The following ZAP70 variants were observed in gnomAD, a reference collection of about 807,000 sequenced individuals.
ZAP70 encodes the protein zeta chain of T cell receptor associated protein kinase 70, also known as tyrosine-protein kinase ZAP-70.
In ZAP70, 27 loss-of-function variants were observed where a neutral mutation model predicts 65.8. The observed-to-expected ratio is 0.41, with a 90% CI of 0.30 to 0.57. The LOEUF (loss-of-function observed/expected upper bound fraction) is 0.57, where lower values mean the gene tolerates loss of function less well. Ranked by LOEUF, ZAP70 falls within the 20% of genes least tolerant of loss-of-function variation. The probability of loss-of-function intolerance (pLI) is 0.28; values close to 1 mark genes in which losing one functional copy is unlikely to be tolerated. For synonymous variants in ZAP70, 363 were observed against 360.8 expected (o/e 1.01, Z -0.07); for missense variants, 696 against 870.5 (o/e 0.80, Z 2.52).
Position 97,733,207 on chromosome 2 carries a change from C to T in ZAP70, c.785C>T (p.Ala262Val). The change falls in exon 6 of 14, where the codon GCC becomes GTC. Residue 262 changes from alanine (A) to valine (V), a missense_variant. Physicochemically the swap from Ala to Val is moderately conservative, Grantham distance 64 (BLOSUM62 0). This residue lies in a region of ZAP70 where 551 missense variants were observed against 630.0 expected (regional missense o/e 0.87). Coordinates refer to ENST00000264972, the MANE Select transcript of ZAP70 (RefSeq NM_001079.4). The stretch of plus-strand genomic sequence containing the variant: ...TGCCCCAACAGCAGTGCCAGCAACG[C>T]CTCAGGTGACGGCAGCAGGCGGGCG... The part of the protein sequence containing the change: ...EACPNSSASN[A>V]SGAAAPTLPA... 1 of 1,613,404 alleles carries T rather than the reference C, an allele frequency of 6.2e-7. No homozygotes were observed. The highest frequency in any genetic ancestry group is 8.5e-7 in the Non-Finnish European group (1 of 1,179,790).
intron 2 of ZAP70, among the ~76,000 whole-genome samples, chr2:97,716,262 G>C (rs917329621): frequency 6.6e-6 from 1 of 152,186 alleles, no homozygotes; most frequent in Non-Finnish European, 1.5e-5. Context: ...CCAGGTGTCA[G>C]GTTCCACCGG....
rs369459242 is a variant in ZAP70 at position 97,737,702 on chromosome 2, C to G, written c.1482+37C>G. ...CCCCTGTGATGCCCGACTGGATGGG[C>G]TGGGTGGGTAGAGGGTCCCTGACCC... On this transcript the variant is annotated intron_variant, in intron 11 of 13. Coordinates refer to ENST00000264972, the MANE Select transcript of ZAP70 (RefSeq NM_001079.4). The surrounding 1 kb of genome is among the most constrained non-coding windows in gnomAD (Gnocchi z 5.0). 1.1e-5 allele frequency: 18 copies of G among 1,613,918 alleles called. No homozygotes were observed. The highest frequency in any genetic ancestry group is 1.4e-5 in the Non-Finnish European group (17 of 1,179,976).
intron 3 of ZAP70, chr2:97,724,752 GC>G (rs1677311493): frequency 1.2e-5 from 18 of 1,504,870 alleles, no homozygotes; most frequent in Non-Finnish European, 1.5e-5. Flanking sequence ...AGGAGGGTGC[GC>G]GGGGCTAGGG....
chr2:97,733,530 C>T lies in ZAP70; in HGVS notation c.838-14C>T. ...CGTCCCCAGCTCAGGCCTTGCTGAC[C>T]CTGTGGCCTTTAGCCTCAGAGACGA... On this transcript the variant is annotated splice_polypyrimidine_tract_variant and intron_variant, in intron 7 of 13. Transcript: ENST00000264972. 6.2e-7 allele frequency: 1 copy of T among 1,613,630 alleles called. No individual in the cohort carries two copies. The highest frequency in any genetic ancestry group is 1.1e-5 in the South Asian group (1 of 91,086).
rs1185396968 is a variant in ZAP70 at position 97,725,088 on chromosome 2, C to G, written c.403-4C>G. The G allele has an allele frequency of 6.2e-7, 1 of 1,613,926 alleles. No individual in the cohort carries two copies. The highest frequency in any genetic ancestry group is 8.5e-7 in the Non-Finnish European group (1 of 1,180,022). ...TACAGACCTCCTCGCCTCTCCTTTT[C>G]TAGGGCGAGGCCCTGGAGCAGGCCA... On this transcript the variant is annotated splice_polypyrimidine_tract_variant and splice_region_variant and intron_variant, in intron 3 of 13. Coordinates refer to ENST00000264972, the MANE Select transcript of ZAP70 (RefSeq NM_001079.4).
chr2:97,754,451 G>T, the ZAP70 span, among the ~76,000 whole-genome samples: 1 of 151,920 alleles, frequency 6.6e-6, no homozygotes, highest in Non-Finnish European at 1.5e-5. Flanking sequence ...TCTCCAGGCT[G>T]GAGTGCAGTG....
chr2:97,740,106 C>A (rs2104711924), downstream of ZAP70, among the ~76,000 whole-genome samples: 1 of 152,002 alleles, frequency 6.6e-6, no homozygotes, highest in Middle Eastern at 3.4e-3. Context: ...AGCCCAGCTC[C>A]CCTGTGTGGA....
At chr2:97,747,255 C>A in the ZAP70 span, among the ~76,000 whole-genome samples, 1 of 152,180 alleles carries the variant, frequency 6.6e-6, no homozygotes, top group Non-Finnish European at 1.5e-5. Context: ...AAAACTGGTA[C>A]ATGAATGCAT....
intron 2 of ZAP70, among the ~76,000 whole-genome samples, chr2:97,716,722 G>A (rs1452758902): frequency 6.6e-6 from 1 of 152,144 alleles, no homozygotes; most frequent in East Asian, 1.9e-4. Flanking sequence ...AGTGGCGGGG[G>A]GTGGTGATGG....
the ZAP70 span, among the ~76,000 whole-genome samples, chr2:97,747,264 A>G: frequency 1.3e-5 from 2 of 152,262 alleles, no homozygotes; most frequent in Non-Finnish European, 1.5e-5. Flanking sequence ...ACATGAATGC[A>G]TTGTGTATAC....
chr2:97,724,783 G>A (rs1677312419), intron 3 of ZAP70: 2 of 1,506,124 alleles, frequency 1.3e-6, no homozygotes, highest in Admixed American at 2.0e-5. Context: ...AGGGTAGGGT[G>A]GCTGTTGGGG....
the ZAP70 span, among the ~76,000 whole-genome samples, chr2:97,748,438 T>G: frequency 1.3e-5 from 2 of 152,184 alleles, no homozygotes; most frequent in African/African-American, 4.8e-5. Context: ...CTGATTTTCA[T>G]CAGGCGAGGA....
intron 4 of ZAP70, among the ~76,000 whole-genome samples, chr2:97,727,857 A>T (rs2104672849): frequency 6.6e-6 from 1 of 151,630 alleles, no homozygotes; most frequent in African/African-American, 2.4e-5. Context: ...TCTTGCACTC[A>T]CACACACACA....
chr2:97,733,665 T>A, intron 8 of ZAP70, 70 bp downstream of exon 8: 1 of 1,602,350 alleles, frequency 6.2e-7, no homozygotes, highest in Non-Finnish European at 8.5e-7. Flanking sequence ...CTGTCAGGGC[T>A]GTGGGGTTTC....
chr2:97,746,603 C>A, the ZAP70 span, among the ~76,000 whole-genome samples: 1 of 152,200 alleles, frequency 6.6e-6, no homozygotes, highest in Non-Finnish European at 1.5e-5. Context: ...TTTTCCCAGC[C>A]TCCAGAGCTG....
At chr2:97,727,020 A>T (rs1443106951) in intron 4 of ZAP70, among the ~76,000 whole-genome samples, 1 of 152,234 alleles carries the variant, frequency 6.6e-6, no homozygotes, top group Non-Finnish European at 1.5e-5. Flanking sequence ...CCATTGGCTC[A>T]GTGTCACCTG....
intron 4 of ZAP70, among the ~76,000 whole-genome samples, chr2:97,727,411 T>C (rs1016523220): frequency 6.6e-5 from 10 of 152,240 alleles, no homozygotes; most frequent in Non-Finnish European, 1.2e-4. Context: ...GAGGGCTCCA[T>C]CTTGCAGTAC....
chr2:97,725,240 A>G lies in ZAP70; in HGVS notation c.551A>G (p.Asp184Gly). Reference sequence around the variant, plus strand: ...AAACTTTACTCTGGGGCGCAGACCGACGGCAAGTTCCTGTATGTGGGGCCC... The same window carrying G: ...AAACTTTACTCTGGGGCGCAGACCGGCGGCAAGTTCCTGTATGTGGGGCCC... ...ERKLYSGAQT[D>G]GKFLLRPRKE... The change falls in exon 4 of 14, where the codon GAC becomes GGC. Residue 184 changes from aspartate to glycine, a missense_variant. Physicochemically the swap from Asp to Gly is moderately conservative, Grantham distance 94 (BLOSUM62 -1). Coordinates refer to ENST00000264972, the MANE Select transcript of ZAP70 (RefSeq NM_001079.4). 6.2e-7 allele frequency: 1 copy of G among 1,613,404 alleles called. No homozygotes were observed. Among genetic ancestry groups the G allele is most frequent in the Non-Finnish European group, 8.5e-7 (1 of 1,179,370 alleles).
the ZAP70 span, among the ~76,000 whole-genome samples, chr2:97,750,972 G>A: frequency 6.6e-6 from 1 of 151,822 alleles, no homozygotes; most frequent in African/African-American, 2.4e-5. Flanking sequence ...ACTGGAGTTT[G>A]CAGAGTATGC....
Sources: gnomAD v4.1 joint callset for allele counts (sites outside exome capture counted in the v4.1 genomes callset) on GRCh38, gnomAD v4.1.1 for gene constraint, gnomAD v4.1.1 regional missense constraint, Gnocchi (gnomAD v3.1) non-coding constraint, MANE v1.5 for transcripts, NCBI Gene and HGNC (gene_info 2026-07-23, HGNC 2026-07-21) for gene names.